The following MEOX2 variants were observed in gnomAD, a reference collection of about 807,000 sequenced individuals.
MEOX2 encodes homeobox protein MOX-2.
In MEOX2, 11 loss-of-function variants were observed where a neutral mutation model predicts 27.0. The ratio of observed to expected loss-of-function variants is 0.41; its 90% CI spans 0.26 to 0.68. MEOX2 has a LOEUF of 0.68. MEOX2 is among the 30% of genes least tolerant of loss of function. The pLI is 0.33. For synonymous variants in MEOX2, 189 were observed against 155.4 expected, an observed-to-expected ratio of 1.22 and a Z score of -1.61; for missense variants, 436 against 385.4, an observed-to-expected ratio of 1.13 and a Z score of -1.10.
rs1365494735 is a variant in MEOX2, at chr7:15,681,929, TCTTC to T, written c.517+3953_517+3956del. 5 of 151,978 alleles carry T rather than the reference TCTTC, an allele frequency of 3.3e-5. No homozygotes were observed. In the East Asian group the frequency reaches 9.6e-4, roughly 29 times the overall value. 9.4% of individuals were successfully genotyped at this position (151,978 alleles called of 1,614,324 possible). A position where few individuals can be genotyped will look rare whatever the true frequency, so the allele number is the denominator to read the frequency against. On this transcript the variant is annotated intron_variant, in intron 1 of 2. Transcript: ENST00000262041. ...AAACTATTCCTACTTTTATTTGCAT[TCTTC>T]CTTCCATTCATTGCTAATGTTCAAC...
At chr7:15,680,257 G>C (rs949431980) in intron 1 of MEOX2, 1 of 151,566 alleles carries the variant, frequency 6.6e-6, no homozygotes, top group Non-Finnish European at 1.5e-5. Flanking sequence ...AGCACAAATG[G>C]ATCAATAGAT....
chr7:15,659,354 A>T (rs1781872054), intron 1 of MEOX2, among the ~76,000 whole-genome samples: 2 of 152,200 alleles, frequency 1.3e-5, no homozygotes, highest in Non-Finnish European at 2.9e-5. Context: ...AGTGGTAGTA[A>T]AAAAACAAAT....
At chr7:15,636,299 T>C (rs1463968967) in intron 1 of MEOX2, among the ~76,000 whole-genome samples, 1 of 151,942 alleles carries the variant, frequency 6.6e-6, no homozygotes, top group Non-Finnish European at 1.5e-5. Flanking sequence ...AATAATCATA[T>C]CGGAAGATTA....
intron 2 of MEOX2, among the ~76,000 whole-genome samples, chr7:15,615,933 A>T (rs1406914912): frequency 6.6e-6 from 1 of 152,018 alleles, no homozygotes; most frequent in Non-Finnish European, 1.5e-5. Context: ...TAATATCAGT[A>T]TAAAACCTGT....
chr7:15,672,960 T>G (rs889459662), intron 1 of MEOX2, among the ~76,000 whole-genome samples: 4 of 151,578 alleles, frequency 2.6e-5, no homozygotes, highest in African/African-American at 7.3e-5. Context: ...ACACAGATAA[T>G]TAAACTTAAC....
At chr7:15,658,346 A>G (rs1781855982) in intron 1 of MEOX2, among the ~76,000 whole-genome samples, 1 of 152,192 alleles carries the variant, frequency 6.6e-6, no homozygotes, top group African/African-American at 2.4e-5. Flanking sequence ...AGAAGCAGCC[A>G]TGGGATTTTT....
rs566634476 is a variant in MEOX2 at position 15,671,017 on chromosome 7, G to A, written c.517+14869C>T. Among the ~76,000 whole-genome samples the A allele has an allele frequency of 9.2e-5, 14 of 152,208 alleles. No homozygotes were observed. The South Asian group carries it at 2.9e-3, about 32-fold the overall frequency. ...GACACTATGAGGCAGTAGTGGGTTGGCACAAATAAATAAGATTTGCCATGT... is the reference window on the plus strand; with the variant it reads ...GACACTATGAGGCAGTAGTGGGTTGACACAAATAAATAAGATTTGCCATGT... On this transcript the variant is annotated intron_variant, in intron 1 of 2. Transcript: ENST00000262041.
chr7:15,683,928 T>C (rs1337595568), intron 1 of MEOX2, among the ~76,000 whole-genome samples: 1 of 152,182 alleles, frequency 6.6e-6, no homozygotes, highest in African/African-American at 2.4e-5. Flanking sequence ...AGCTTCAAAA[T>C]GTAGAAATGA....
At chr7:15,627,302 A>G (rs1781327686) in intron 1 of MEOX2, among the ~76,000 whole-genome samples, 1 of 152,052 alleles carries the variant, frequency 6.6e-6, no homozygotes, top group Non-Finnish European at 1.5e-5. Flanking sequence ...GAACATAGTA[A>G]TCCTTTAAAA....
chr7:15,664,238 A>G (rs1193841404), intron 1 of MEOX2, among the ~76,000 whole-genome samples: 1 of 152,196 alleles, frequency 6.6e-6, no homozygotes, highest in Non-Finnish European at 1.5e-5. Context: ...ATTTTGGGAT[A>G]TGCTTTTGGT....
chr7:15,612,829 T>C (rs1013612932), intron 2 of MEOX2, among the ~76,000 whole-genome samples: 2 of 152,214 alleles, frequency 1.3e-5, no homozygotes, highest in Non-Finnish European at 2.9e-5. Context: ...CAAAGTACTA[T>C]ATTTGTATTT....
intron 1 of MEOX2, among the ~76,000 whole-genome samples, chr7:15,674,701 G>A (rs1007102526): frequency 6.6e-6 from 1 of 152,036 alleles, no homozygotes; most frequent in Non-Finnish European, 1.5e-5. Flanking sequence ...CTAAGGATCT[G>A]AAATAGACAA....
At chr7:15,684,371 T>G (rs963919339) in intron 1 of MEOX2, among the ~76,000 whole-genome samples, 1 of 152,200 alleles carries the variant, frequency 6.6e-6, no homozygotes, top group African/African-American at 2.4e-5. Flanking sequence ...ATGATTAACC[T>G]TTCAACTCAC....
chr7:15,635,193 C>T (rs1185105995), intron 1 of MEOX2, among the ~76,000 whole-genome samples: 2 of 151,896 alleles, frequency 1.3e-5, no homozygotes, highest in Non-Finnish European at 2.9e-5. Context: ...GAAGGGCTCA[C>T]CAATGGTCAC....
At chr7:15,634,941 C>A (rs372622876) in intron 1 of MEOX2, among the ~76,000 whole-genome samples, 2 of 151,902 alleles carry the variant, frequency 1.3e-5, no homozygotes, top group South Asian at 4.2e-4. Flanking sequence ...TAAGCCATCC[C>A]TTAGAGGTGT....
intron 1 of MEOX2, among the ~76,000 whole-genome samples, chr7:15,667,335 A>G (rs902454646): frequency 7.6e-5 from 11 of 145,222 alleles, no homozygotes; most frequent in African/African-American, 2.8e-4. Context: ...AGGTGAGAGG[A>G]GTTGAGGCAG....
At chr7:15,685,289 A>C (rs1191629181) in intron 1 of MEOX2, among the ~76,000 whole-genome samples, 2 of 152,216 alleles carry the variant, frequency 1.3e-5, no homozygotes, top group East Asian at 3.8e-4. Context: ...CTTCTTCCCC[A>C]ATAAAGGGAA....
chr7:15,641,195 A>T (rs1484563063), intron 1 of MEOX2, among the ~76,000 whole-genome samples: 1 of 152,082 alleles, frequency 6.6e-6, no homozygotes, highest in Non-Finnish European at 1.5e-5. Context: ...ATTCAATTTC[A>T]TAACTCATTA....
At chr7:15,643,080 T>C (rs1214245286) in intron 1 of MEOX2, among the ~76,000 whole-genome samples, 3 of 152,122 alleles carry the variant, frequency 2.0e-5, no homozygotes, top group Non-Finnish European at 2.9e-5. Flanking sequence ...TACAGGTCAA[T>C]AGGTAGCTCT....
Sources: allele counts gnomAD v4.1 joint callset (sites outside exome capture counted in the v4.1 genomes callset), GRCh38; gene constraint gnomAD v4.1.1; transcripts MANE v1.5; gene names NCBI Gene and HGNC (gene_info 2026-07-23, HGNC 2026-07-21).